Variants in WNK1 observed in about 807,000 individuals in gnomAD.
The protein encoded by WNK1 is WNK lysine deficient protein kinase 1, also known as serine/threonine-protein kinase WNK1.
A neutral mutation model predicts 222.8 loss-of-function variants in WNK1; 38 were observed. The observed-to-expected ratio is 0.17, with a 90% CI of 0.13 to 0.22. The LOEUF is 0.22. WNK1 is among the 10% of genes least tolerant of loss of function. The pLI is 1.00. For synonymous variants in WNK1, 1,090 were observed against 1,092.9 expected (o/e 1.00, Z 0.05); for missense variants, 2,348 against 2,918.4 (o/e 0.80, Z 4.50).
At chr12:901,518 T>C in intron 26 of WNK1, 1 of 1,260,668 alleles carries the variant, frequency 7.9e-7, no homozygotes, top group Non-Finnish European at 1.0e-6. Flanking sequence ...GTGTTCTGTC[T>C]CTTCTCCTCT....
At chr12:787,209 C>T (rs1235975890) in intron 1 of WNK1, among the ~76,000 whole-genome samples, 1 of 152,172 alleles carries the variant, frequency 6.6e-6, no homozygotes, top group Non-Finnish European at 1.5e-5. Context: ...TGGCAAAGCA[C>T]AGACTCTAGA....
chr12:887,082 T>C, intron 19 of WNK1, 139 bp from the exon 20 acceptor site: 1 of 802,510 alleles, frequency 1.2e-6, no homozygotes, highest in Non-Finnish European at 2.1e-6. Context: ...TACCAGAGAG[T>C]AACCTCAGTG....
chr12:786,018 T>A (rs1019553952), intron 1 of WNK1, among the ~76,000 whole-genome samples: 1 of 152,226 alleles, frequency 6.6e-6, no homozygotes, highest in African/African-American at 2.4e-5. Flanking sequence ...GTATAACTTA[T>A]GCTTTATGTG....
At chr12:826,950 C>T (rs1038938472) in intron 2 of WNK1, 92 bp from the exon 3 acceptor site, 96 of 980,236 alleles carry the variant, frequency 9.8e-5, no homozygotes, top group Admixed American at 5.1e-4. Context: ...TTTGATATTC[C>T]CATCTCCAGT....
chr12:807,299 T>C (rs1031750623), intron 1 of WNK1, among the ~76,000 whole-genome samples: 1 of 151,746 alleles, frequency 6.6e-6, no homozygotes, highest in Non-Finnish European at 1.5e-5. Context: ...CTCTGTTTTT[T>C]TTTTTTTTTT....
intron 1 of WNK1, among the ~76,000 whole-genome samples, chr12:769,971 A>G (rs528234817): frequency 6.0e-5 from 9 of 151,158 alleles, no homozygotes; most frequent in African/African-American, 1.9e-4. Context: ...ACATTGCATA[A>G]GTTTCTTTTT....
intron 4 of WNK1, among the ~76,000 whole-genome samples, chr12:855,996 C>G (rs961135601): frequency 6.6e-6 from 1 of 151,762 alleles, no homozygotes; most frequent in African/African-American, 2.4e-5. Flanking sequence ...TGCGCCACCA[C>G]GCCCATCTAA....
chr12:776,412 T>TTGTGTGTGTG (rs59148357), intron 1 of WNK1, among the ~76,000 whole-genome samples: 43,044 of 145,914 alleles, frequency 0.29, 7,088 homozygotes, highest in East Asian at 0.47. Context: ...GTTTGTGTGT[T>TTGTGTGTGTG]TGTGTGTGTG....
At chr12:893,516 A>G (rs1954459944) in intron 22 of WNK1, among the ~76,000 whole-genome samples, 1 of 152,166 alleles carries the variant, frequency 6.6e-6, no homozygotes, top group Admixed American at 6.5e-5. Flanking sequence ...AGGTTTTTAA[A>G]TTGCCCAAAA....
intron 1 of WNK1, among the ~76,000 whole-genome samples, chr12:773,119 G>A (rs1354345521): frequency 1.3e-5 from 2 of 152,164 alleles, no homozygotes; most frequent in Non-Finnish European, 2.9e-5. Flanking sequence ...TTAGCCGGGT[G>A]TGGTGACGCA....
intron 8 of WNK1, among the ~76,000 whole-genome samples, chr12:864,738 A>G (rs564754428): frequency 1.3e-5 from 2 of 152,294 alleles, no homozygotes; most frequent in African/African-American, 4.8e-5. Flanking sequence ...GTTGAATCTT[A>G]AGTTTGCCAA....
At position 841,810 on chromosome 12, in the gene WNK1, G is replaced by A. The variant is rs143778988; in HGVS notation, c.1311+11650G>A. On this transcript the variant is annotated intron_variant, in intron 4 of 27. Coordinates refer to ENST00000315939, the MANE Select transcript of WNK1 (RefSeq NM_018979.4). ...GTGAAAGAGTCAAAAAGCTCCCTCC[G>A]GACTCATATTATAAGGGCAGTAATC... Among the ~76,000 whole-genome samples, 613 of 152,124 alleles carry A rather than the reference G, an allele frequency of 4.0e-3. 4 individuals carry two copies. Among genetic ancestry groups the A allele is most frequent in the South Asian group, 0.031 (150 of 4,812 alleles).
chr12:864,440 G>T (rs1033477293), intron 8 of WNK1, among the ~76,000 whole-genome samples: 2 of 152,064 alleles, frequency 1.3e-5, no homozygotes, highest in African/African-American at 4.8e-5. Context: ...TCAGATTGAA[G>T]ATATTCTCCC....
In WNK1 at chr12:911,010, T is replaced by G. The variant is rs538555627; in HGVS notation, c.*2218T>G. 3 of 285,244 alleles carry G rather than the reference T, an allele frequency of 1.1e-5. No individual in the cohort carries two copies. In the Admixed American group the frequency reaches 1.5e-4, roughly 15 times the overall value. The allele number at this position is 285,244 out of a possible 1,614,324, so 17.7% of individuals were successfully genotyped here. On this transcript the variant is annotated 3_prime_UTR_variant, in exon 28 of 28. Transcript: ENST00000315939. ...TTTATACCAGAGGAGCAGTGGAGCC[T>G]CATGCAGCACATTATCATTTGTTAT...
At chr12:838,813 T>C (rs1039612589) in intron 4 of WNK1, among the ~76,000 whole-genome samples, 2 of 152,068 alleles carry the variant, frequency 1.3e-5, no homozygotes, top group South Asian at 2.1e-4. Flanking sequence ...TAATTTTTTT[T>C]CCAAAAAAAT....
chr12:779,678 A>C (rs1943494670), intron 1 of WNK1, among the ~76,000 whole-genome samples: 2 of 152,300 alleles, frequency 1.3e-5, no homozygotes, highest in South Asian at 4.1e-4. Context: ...CTGGGATTAC[A>C]GGCGTGAGCC....
rs1051586598 is a variant in WNK1, at chr12:827,007, T to C, written c.933-35T>C. On this transcript the variant is annotated intron_variant, in intron 2 of 27. Coordinates refer to ENST00000315939, the MANE Select transcript of WNK1 (RefSeq NM_018979.4). This position sits in a 1 kb window ranked among gnomAD's most constrained non-coding sequence, Gnocchi z 4.6. ...TCTTCAAAGCAACAAACTCCTATCA[T>C]TGATAACTTGTTTGGTATACTTTGC... 6.4e-6 allele frequency: 10 copies of C among 1,558,128 alleles called. No homozygotes were observed. Among genetic ancestry groups the C allele is most frequent in the Non-Finnish European group, 8.0e-6 (9 of 1,131,290 alleles).
chr12:900,435 G>C (rs1246621783), intron 25 of WNK1, 41 bp from the exon 26 acceptor site: 1 of 1,607,924 alleles, frequency 6.2e-7, no homozygotes, highest in African/African-American at 1.3e-5. Context: ...TGCATGGGAA[G>C]AGCTGGACAT....
At chr12:890,429 T>C (rs750290649) in intron 21 of WNK1, 24 bp from the exon 22 acceptor site, 40 of 1,613,946 alleles carry the variant, frequency 2.5e-5, no homozygotes, top group Admixed American at 1.7e-4. Context: ...AGATTTGTGG[T>C]GTCTGTCTGT....
Sources: gnomAD v4.1 joint callset for allele counts (sites outside exome capture counted in the v4.1 genomes callset) on GRCh38, gnomAD v4.1.1 for gene constraint, Gnocchi (gnomAD v3.1) non-coding constraint, MANE v1.5 for transcripts, NCBI Gene and HGNC (gene_info 2026-07-23, HGNC 2026-07-21) for gene names.